CNTNAP2: variants seen among roughly 807,000 people sequenced by gnomAD.
CNTNAP2 encodes contactin associated protein 2.
Under a neutral mutation model 155.2 loss-of-function variants are expected in CNTNAP2, and 98 were observed. The observed-to-expected ratio is 0.63, with a 90% CI of 0.54 to 0.75. CNTNAP2 has a LOEUF of 0.75. Ranked by LOEUF, CNTNAP2 falls within the 30% of genes least tolerant of loss-of-function variation. CNTNAP2 has a pLI of 0.00. For missense variants in CNTNAP2, 1,727 were observed against 1,688.1 expected (o/e 1.02, Z -0.40); for synonymous variants, 651 against 631.2 (o/e 1.03, Z -0.47).
At chr7:147,774,516 G>C (rs971519224) in intron 13 of CNTNAP2, among the ~76,000 whole-genome samples, 4 of 152,168 alleles carry the variant, frequency 2.6e-5, no homozygotes, top group Admixed American at 6.5e-5. Flanking sequence ...TTAAAGCCTA[G>C]CTCTGTATTT....
At chr7:147,276,394 T>C (rs973423953) in intron 8 of CNTNAP2, among the ~76,000 whole-genome samples, 2 of 152,066 alleles carry the variant, frequency 1.3e-5, no homozygotes, top group African/African-American at 4.8e-5. Flanking sequence ...TTGTAAAATA[T>C]ACATATCTAA....
intron 17 of CNTNAP2, among the ~76,000 whole-genome samples, chr7:148,170,533 C>T (rs554003850): frequency 6.6e-6 from 1 of 152,210 alleles, no homozygotes; most frequent in African/African-American, 2.4e-5. Flanking sequence ...TTAATAACTT[C>T]TTTTGCCATC....
intron 3 of CNTNAP2, among the ~76,000 whole-genome samples, chr7:146,856,688 C>T (rs533338541): frequency 5.9e-5 from 9 of 152,078 alleles, no homozygotes; most frequent in South Asian, 2.1e-4. Context: ...AGACACTGTG[C>T]GCCTCCAGAG....
At chr7:148,397,330 C>G (rs1247372257) in intron 22 of CNTNAP2, among the ~76,000 whole-genome samples, 2 of 152,150 alleles carry the variant, frequency 1.3e-5, no homozygotes, top group Non-Finnish European at 2.9e-5. Context: ...GCAATGGGGA[C>G]TGAGTTTATA....
At chr7:148,127,760 T>C (rs1338817799) in intron 16 of CNTNAP2, among the ~76,000 whole-genome samples, 2 of 152,368 alleles carry the variant, frequency 1.3e-5, no homozygotes, top group African/African-American at 4.8e-5. Context: ...AATGTCTAAT[T>C]CCACTTAACT....
In CNTNAP2 at chr7:147,503,402, G is replaced by A. The variant is rs536956931; in HGVS notation, c.1777+17361G>A. Reference sequence around the variant, plus strand: ...TTGACAAATTACATCTGCAAAGACTGTATTCCCAAATACGATCCCATCATG... The same window carrying A: ...TTGACAAATTACATCTGCAAAGACTATATTCCCAAATACGATCCCATCATG... On this transcript the variant is annotated intron_variant, in intron 11 of 23. Transcript: ENST00000361727. 3.9e-5 allele frequency among the ~76,000 whole-genome samples: 6 copies of A among 152,194 alleles called. No individual in the cohort carries two copies. In the East Asian group the frequency reaches 1.2e-3, roughly 29 times the overall value.
At chr7:148,372,623 G>T (rs1221150244) in intron 21 of CNTNAP2, among the ~76,000 whole-genome samples, 1 of 152,074 alleles carries the variant, frequency 6.6e-6, no homozygotes, top group Non-Finnish European at 1.5e-5. Flanking sequence ...CAGGAGAATT[G>T]CTTGAACCCA....
intron 9 of CNTNAP2, among the ~76,000 whole-genome samples, chr7:147,334,668 G>A (rs907545726): frequency 6.6e-6 from 1 of 152,180 alleles, no homozygotes; most frequent in African/African-American, 2.4e-5. Context: ...AAGCTGAGAA[G>A]GAGCCAGTGA....
At chr7:148,253,635 C>T (rs760181632) in intron 20 of CNTNAP2, among the ~76,000 whole-genome samples, 7 of 152,076 alleles carry the variant, frequency 4.6e-5, no homozygotes, top group Non-Finnish European at 5.9e-5. Context: ...AGTCTTACGC[C>T]GAGGCCTCTC....
intron 1 of CNTNAP2, among the ~76,000 whole-genome samples, chr7:146,210,988 G>C (rs2116882963): frequency 6.6e-6 from 1 of 152,192 alleles, no homozygotes; most frequent in Admixed American, 6.5e-5. Context: ...CATAACACCT[G>C]AAAGGAAAGT....
intron 20 of CNTNAP2, among the ~76,000 whole-genome samples, chr7:148,246,143 G>A (rs1260072765): frequency 6.6e-6 from 1 of 152,168 alleles, no homozygotes; most frequent in Non-Finnish European, 1.5e-5. Context: ...GAATTTGAAG[G>A]ATGTGGTTAT....
chr7:146,692,486 T>C (rs1800714808), intron 1 of CNTNAP2, among the ~76,000 whole-genome samples: 1 of 152,144 alleles, frequency 6.6e-6, no homozygotes, highest in Admixed American at 6.6e-5. Context: ...ATTAGCAAAC[T>C]GAAGAAATGT....
intron 3 of CNTNAP2, among the ~76,000 whole-genome samples, chr7:146,967,439 G>A (rs1055194211): frequency 2.6e-5 from 4 of 152,194 alleles, no homozygotes; most frequent in Non-Finnish European, 5.9e-5. Flanking sequence ...TCCTACCCAT[G>A]AGCATGGAAT....
chr7:147,361,015 G>A (rs533188304), intron 9 of CNTNAP2, among the ~76,000 whole-genome samples: 1 of 152,274 alleles, frequency 6.6e-6, no homozygotes, highest in East Asian at 1.9e-4. Flanking sequence ...AATGAAGGGT[G>A]TAAGAGTTCA....
intron 12 of CNTNAP2, among the ~76,000 whole-genome samples, chr7:147,616,960 A>G (rs546684826): frequency 2.1e-4 from 32 of 152,262 alleles, no homozygotes; most frequent in African/African-American, 7.0e-4. Context: ...CAAGTTTTCT[A>G]CACCCACGCC....
intron 21 of CNTNAP2, among the ~76,000 whole-genome samples, chr7:148,372,566 G>C (rs866279305): frequency 2.6e-4 from 39 of 152,100 alleles, no homozygotes; most frequent in Middle Eastern, 3.4e-3. Flanking sequence ...AAATTAGCCT[G>C]GTGTGGTGGC....
intron 1 of CNTNAP2, among the ~76,000 whole-genome samples, chr7:146,471,700 T>C (rs1467688282): frequency 6.6e-6 from 1 of 152,256 alleles, no homozygotes; most frequent in Non-Finnish European, 1.5e-5. Context: ...GTAACACATA[T>C]ATAGTTAACA....
At chr7:146,191,415 C>G (rs1798703288) in intron 1 of CNTNAP2, among the ~76,000 whole-genome samples, 1 of 152,060 alleles carries the variant, frequency 6.6e-6, no homozygotes, top group African/African-American at 2.4e-5. Context: ...GATCAGAGGA[C>G]CGTGGTGAAA....
chr7:147,261,041 TAC>T (rs1328137616), intron 8 of CNTNAP2, among the ~76,000 whole-genome samples: 1 of 152,228 alleles, frequency 6.6e-6, no homozygotes, highest in Non-Finnish European at 1.5e-5. Flanking sequence ...GTCCACATTT[TAC>T]AGTCTCTGGC....
Sources: allele counts gnomAD v4.1 joint callset (sites outside exome capture counted in the v4.1 genomes callset), GRCh38; gene constraint gnomAD v4.1.1; transcripts MANE v1.5; gene names NCBI Gene and HGNC (gene_info 2026-07-23, HGNC 2026-07-21).